Variants in REN observed in about 807,000 individuals in gnomAD.
REN encodes the protein angiotensin-forming enzyme.
REN carries 42 observed loss-of-function variants against 48.6 expected under a neutral mutation model. The ratio of observed to expected loss-of-function variants is 0.86; its 90% CI spans 0.68 to 1.12. The LOEUF (loss-of-function observed/expected upper bound fraction) is 1.12. Among genes scored for constraint, REN ranks in the 50% most tolerant of loss-of-function variants. The pLI, the probability that REN is intolerant of heterozygous loss-of-function variation, is 0.00. For synonymous variants in REN, 196 were observed against 204.6 expected (o/e 0.96, Z 0.36); for missense variants, 443 against 527.3 (o/e 0.84, Z 1.57).
intron 4 of REN, among the ~76,000 whole-genome samples, chr1:204,159,845 G>A (rs555307226): frequency 1.2e-3 from 190 of 152,316 alleles, no homozygotes; most frequent in African/African-American, 4.5e-3. Flanking sequence ...CTGCCAAGCA[G>A]CAAAAGAAAA....
intron 5 of REN, among the ~76,000 whole-genome samples, chr1:204,158,467 G>T (rs1287609982): frequency 1.4e-5 from 2 of 144,636 alleles, no homozygotes; most frequent in Admixed American, 1.4e-4. Context: ...GCCTTAGCTG[G>T]AGTGCAGTGG....
At chr1:204,162,423 C>T (rs1298652904) in intron 1 of REN, among the ~76,000 whole-genome samples, 1 of 152,204 alleles carries the variant, frequency 6.6e-6, no homozygotes, top group Non-Finnish European at 1.5e-5. Context: ...TTTGATTAGA[C>T]AAGGCTATTT....
In REN at chr1:204,155,891, T is replaced by C; in HGVS notation, c.988A>G (p.Thr330Ala). The C allele has an allele frequency of 1.2e-6, 2 of 1,613,980 alleles. No individual in the cohort carries two copies. The highest frequency in any genetic ancestry group is 1.7e-6 in the Non-Finnish European group (2 of 1,179,974). The change falls in exon 9 of 10, where the codon ACA becomes GCA. Residue 330 changes from threonine to alanine, a missense_variant. Coordinates refer to ENST00000272190, the MANE Select transcript of REN (RefSeq NM_000537.4). ...AGGTGGAAAGAGATGTCGGGGAGTGTAGGGCCCTCGTTACACTTCACGACA... is the reference window on the plus strand; with the variant it reads ...AGGTGGAAAGAGATGTCGGGGAGTGCAGGGCCCTCGTTACACTTCACGACA... ...DYVVKCNEGP[T>A]LPDISFHLGG... is the part of the protein sequence containing the mutation.
chr1:204,160,419 G>A (rs1658221488), intron 4 of REN, 141 bp downstream of exon 4: 2 of 722,278 alleles, frequency 2.8e-6, no homozygotes, highest in Non-Finnish European at 2.6e-6. Flanking sequence ...AGCCAGATGT[G>A]GCAGAGTAGG....
At chr1:204,165,211 T>A (rs750533702) in intron 1 of REN, among the ~76,000 whole-genome samples, 17 of 152,196 alleles carry the variant, frequency 1.1e-4, no homozygotes, top group Non-Finnish European at 2.1e-4. Flanking sequence ...CCTCGGGTGA[T>A]CTGCCCCCCT....
chr1:204,159,367 C>T (rs1488306247), intron 5 of REN, 32 bp downstream of exon 5: 1 of 1,599,998 alleles, frequency 6.3e-7, no homozygotes, highest in Admixed American at 1.7e-5. Context: ...CTCCTGTCCC[C>T]CCACCTCAGC....
chr1:204,158,655 C>T (rs546547181), intron 5 of REN, among the ~76,000 whole-genome samples: 24 of 152,332 alleles, frequency 1.6e-4, no homozygotes, highest in Admixed American at 1.0e-3. Context: ...TAGAGCCCAA[C>T]CCTGCTCAAG....
intron 3 of REN, 51 bp from the exon 4 acceptor site, chr1:204,160,729 G>C: frequency 7.7e-7 from 1 of 1,300,652 alleles, no homozygotes; most frequent in Non-Finnish European, 1.1e-6. Flanking sequence ...CCAGACAGGG[G>C]GACTCAGAGG....
At chr1:204,155,668 T>C in intron 9 of REN, 152 bp downstream of exon 9, 1 of 697,372 alleles carries the variant, frequency 1.4e-6, no homozygotes, top group Non-Finnish European at 2.6e-6. Context: ...GTGGCCCAGG[T>C]ACCAGGATTT....
At chr1:204,159,870 C>T (rs575243314) in intron 4 of REN, among the ~76,000 whole-genome samples, 65 of 152,332 alleles carry the variant, frequency 4.3e-4, no homozygotes, top group Non-Finnish European at 7.3e-4. Context: ...CCAAGAGCTC[C>T]TCCCCTCCCC....
chr1:204,155,683 A>G, intron 9 of REN, 137 bp downstream of exon 9: 1 of 742,424 alleles, frequency 1.3e-6, no homozygotes, highest in Non-Finnish European at 2.3e-6. Context: ...GGATTTTTCA[A>G]AGCTCTCCAG....
chr1:204,157,302 G>T, intron 6 of REN, 59 bp downstream of exon 6: 1 of 1,611,124 alleles, frequency 6.2e-7, no homozygotes, highest in Non-Finnish European at 8.5e-7. Flanking sequence ...TGTAATTCTA[G>T]GTCAGGTGCT....
chr1:204,162,479 C>A (rs180965443), intron 1 of REN, among the ~76,000 whole-genome samples: 103 of 152,318 alleles, frequency 6.8e-4, no homozygotes, highest in Non-Finnish European at 3.5e-4. Context: ...ACCTGCTGAA[C>A]AACTACTTTG....
In REN at chr1:204,156,183, A is replaced by G. The variant is rs201922371; in HGVS notation, c.955T>C (p.Phe319Leu). The change falls in exon 8 of 10, where the codon TTT (phenylalanine) becomes CTT (leucine). Residue 319 changes from phenylalanine to leucine, a missense_variant. Physicochemically the swap from Phe to Leu is conservative, Grantham distance 22 (BLOSUM62 0). Transcript: ENST00000272190. The surrounding 1 kb of genome is among the most constrained non-coding windows in gnomAD (Gnocchi z 4.2). ...MEALGAKKRL[F>L]DYVVKCNEGP... ...TTCCCTCTTTGGCTTCTTACATCAA[A>G]CAGCCTCTTCTTGGCTCCCAAGGCC... 26 of 1,614,158 alleles carry G rather than the reference A, an allele frequency of 1.6e-5. No individual in the cohort carries two copies. The highest frequency in any genetic ancestry group is 2.2e-5 in the Non-Finnish European group (26 of 1,180,022).
intron 4 of REN, 30 bp from the exon 5 acceptor site, chr1:204,159,625 G>A: frequency 1.1e-5 from 18 of 1,598,378 alleles, no homozygotes; most frequent in Non-Finnish European, 1.5e-5. Flanking sequence ...AGGAGACCAA[G>A]CCCACTGCCC....
chr1:204,161,537 G>A lies in REN; in HGVS notation c.250-122C>T, dbSNP rs543124158. ...CCCAGGCGAGGTCCTATAGCCTCTC[G>A]GGGTTTCCATTTTCCTGCAGGAACT... On this transcript the variant is annotated intron_variant, in intron 2 of 9. Transcript: ENST00000272190. 120 of 964,158 alleles carry A rather than the reference G, an allele frequency of 1.2e-4. No individual in the cohort carries two copies. In the African/African-American group the frequency reaches 1.8e-3, roughly 15 times the overall value. The allele number at this position is 964,158 out of a possible 1,614,324, so 59.7% of individuals were successfully genotyped here.
rs1420333399 is a variant in REN, at chr1:204,166,232, G to A, written c.62C>T (p.Thr21Ile). 2 of 1,614,152 alleles carry A rather than the reference G, an allele frequency of 1.2e-6. No individual in the cohort carries two copies. The highest frequency in any genetic ancestry group is 1.7e-5 in the Admixed American group (1 of 60,028). Reference protein sequence around the residue: ...GLLLLLWGSCTFGLPTDTTTF... With the variant: ...GLLLLLWGSCIFGLPTDTTTF... ...GGTGGTGTCTGTCGGGAGACCAAAG[G>A]TACAGGAGCCCCAGAGCAGCAGCAG... The change falls in exon 1 of 10, where the codon ACC becomes ATC. Residue 21 changes from threonine (T) to isoleucine (I), a missense_variant. By Grantham distance (89) the Thr-to-Ile change is moderately conservative. Transcript: ENST00000272190.
chr1:204,155,985 G>A (rs541729059), intron 8 of REN, 67 bp from the exon 9 acceptor site: 6 of 1,467,786 alleles, frequency 4.1e-6, no homozygotes, highest in South Asian at 1.1e-5. Context: ...GGAGTCCTGC[G>A]CTGGTGGCCT....
Position 204,156,009 on chromosome 1 carries a change from G to T in REN, c.961-91C>A. On this transcript the variant is annotated intron_variant, in intron 8 of 9. Coordinates refer to ENST00000272190, the MANE Select transcript of REN (RefSeq NM_000537.4). This position sits in a 1 kb window ranked among gnomAD's most constrained non-coding sequence, Gnocchi z 4.2. ...CGCTGGTGGCCTGGTCTCTCTGCTG[G>T]AGAGGGCTGGGGACAGTGCCCCGCC... is the stretch of plus-strand genomic sequence containing the variant. 7.0e-7 allele frequency: 1 copy of T among 1,436,514 alleles called. No individual in the cohort carries two copies. The highest frequency in any genetic ancestry group is 9.8e-7 in the Non-Finnish European group (1 of 1,021,942). 89.0% of individuals were successfully genotyped at this position (1,436,514 alleles called of 1,614,324 possible).
Sources: gnomAD v4.1 joint callset for allele counts (sites outside exome capture counted in the v4.1 genomes callset) on GRCh38, gnomAD v4.1.1 for gene constraint, Gnocchi (gnomAD v3.1) non-coding constraint, MANE v1.5 for transcripts, NCBI Gene and HGNC (gene_info 2026-07-23, HGNC 2026-07-21) for gene names.